The following TTN variants were observed in gnomAD, a reference collection of about 807,000 sequenced individuals.
TTN encodes connectin.
TTN carries 1,525 observed loss-of-function variants against 3,223.0 expected under a neutral mutation model. That is an observed-to-expected ratio of 0.47 (90% confidence interval 0.45 to 0.49). The LOEUF (loss-of-function observed/expected upper bound fraction) is 0.49. Among genes scored for constraint, TTN ranks in the 20% least tolerant of loss-of-function variants. The pLI is 0.00. For synonymous variants in TTN, 14,094 were observed against 15,161.0 expected, an observed-to-expected ratio of 0.93 and a Z score of 5.17; for missense variants, 40,786 against 43,424.0, an observed-to-expected ratio of 0.94 and a Z score of 5.40.
At position 178,719,715 on chromosome 2, in the gene TTN, C is replaced by T; in HGVS notation, c.23777G>A (p.Gly7926Glu). ...TTTGCTGTCTGCAGACAATTCTCTT[C>T]CATCTTTGAACCACTTGGCTGAGAG... Reference protein sequence around the residue: ...PELSAKWFKDGRELSADSKHH... With the variant: ...PELSAKWFKDERELSADSKHH... Residue 7926 changes from glycine (G) to glutamate (E), a missense_variant, in exon 82 of 363, where the codon GGA (glycine) becomes GAA (glutamate). Coordinates refer to ENST00000589042, the MANE Select transcript of TTN (RefSeq NM_001267550.2). The T allele has an allele frequency of 1.2e-6, 2 of 1,613,736 alleles. No homozygotes were observed. Among genetic ancestry groups the T allele is most frequent in the South Asian group, 1.1e-5 (1 of 91,080 alleles).
intron 69 of TTN, 77 bp from the exon 70 acceptor site, chr2:178,726,123 T>C (rs1187417191): frequency 6.8e-7 from 1 of 1,468,426 alleles, no homozygotes; most frequent in South Asian, 1.5e-5. Context: ...GTCTTTAAAT[T>C]GGAAGAAAGG....
chr2:178,593,655 C>A lies in TTN; in HGVS notation c.58645G>T (p.Asp19549Tyr), dbSNP rs1472080899. Residue 19549 changes from aspartate (D) to tyrosine (Y), a missense_variant, in exon 298 of 363, where the codon GAT becomes TAT. Asp to Tyr is a radical substitution (Grantham distance 160, BLOSUM62 -3). Coordinates refer to ENST00000589042, the MANE Select transcript of TTN (RefSeq NM_001267550.2). ...TCAGCATGTATCCGGAAAATATAAT[C>A]TTTTCCTTCAAGTAGTTTAGAAACT... ...CKVSKLLEGKDYIFRIHAENL... is the reference protein window; with the variant it reads ...CKVSKLLEGKYYIFRIHAENL... The A allele has an allele frequency of 4.3e-6, 7 of 1,612,984 alleles. No homozygotes were observed. Among genetic ancestry groups the A allele is most frequent in the South Asian group, 3.3e-5 (3 of 91,058 alleles).
At position 178,652,840 on chromosome 2, in the gene TTN, A is replaced by C. The variant is rs769254204; in HGVS notation, c.38959+8T>G. 44 of 1,610,380 alleles carry C rather than the reference A, an allele frequency of 2.7e-5. No individual in the cohort carries two copies. Among genetic ancestry groups the C allele is most frequent in the Non-Finnish European group, 3.6e-5 (42 of 1,178,776 alleles). On this transcript the variant is annotated splice_region_variant and intron_variant, in intron 200 of 362. Coordinates refer to ENST00000589042, the MANE Select transcript of TTN (RefSeq NM_001267550.2). ...GATCTTCTGAAGCCTAAAGCCAGTG[A>C]CAAATACCTTTAACAGGAGGGACTT...
In TTN at chr2:178,543,121, A is replaced by G. The variant is rs768634786; in HGVS notation, c.96852T>C (p.Gly32284=). The G allele has an allele frequency of 1.2e-6, 2 of 1,609,254 alleles. No homozygotes were observed. Among genetic ancestry groups the G allele is most frequent in the Non-Finnish European group, 1.7e-6 (2 of 1,177,318 alleles). ...LFRIRAQNEK[G]VSEPRETVTA... ...TGACAGTCTCTCTTGGTTCTGACACACCTTTCTCATTTTGTGCCCTTATTC... is the reference window on the plus strand; with the variant it reads ...TGACAGTCTCTCTTGGTTCTGACACGCCTTTCTCATTTTGTGCCCTTATTC... Residue 32284 remains glycine, a synonymous_variant, in exon 347 of 363, where the codon GGT becomes GGC. Coordinates refer to ENST00000589042, the MANE Select transcript of TTN (RefSeq NM_001267550.2).
In TTN at chr2:178,572,386, C is replaced by T. The variant is rs768752636; in HGVS notation, c.73746G>A (p.Gln24582=). 1.9e-6 allele frequency: 3 copies of T among 1,612,992 alleles called. No homozygotes were observed. In the African/African-American group the frequency reaches 4.0e-5, roughly 22 times the overall value. ...AATAGTAGCTACAGCCTTCTTGAAGCTGGTCTACCTTCCAGGAAGTCTTGT... is the reference window on the plus strand; with the variant it reads ...AATAGTAGCTACAGCCTTCTTGAAGTTGGTCTACCTTCCAGGAAGTCTTGT... ...NCHKTSWKVD[Q]LQEGCSYYFR... Residue 24582 remains glutamine (Q), a synonymous_variant, in exon 326 of 363, where the codon CAG becomes CAA. Coordinates refer to ENST00000589042, the MANE Select transcript of TTN (RefSeq NM_001267550.2).
chr2:178,626,610 A>G (rs575225181), intron 240 of TTN, among the ~76,000 whole-genome samples: 3 of 152,102 alleles, frequency 2.0e-5, no homozygotes, highest in Admixed American at 2.0e-4. Flanking sequence ...GGGCATGGTT[A>G]GTCACATAAT....
rs1168353457 is a variant in TTN, at chr2:178,729,485, C to T, written c.18671G>A (p.Gly6224Glu). ...CCAAGTGACTTCAAACGGAGGTGTT[C>T]CCGTAACTTCACACTCCAGCTCCAC... Reference protein sequence around the residue: ...SDVELECEVTGTPPFEVTWLK... With the variant: ...SDVELECEVTETPPFEVTWLK... Residue 6224 changes from glycine (G) to glutamate (E), a missense_variant, in exon 64 of 363, where the codon GGA (glycine) becomes GAA (glutamate). Gly to Glu is a moderately conservative substitution (Grantham distance 98). Transcript: ENST00000589042. The T allele has an allele frequency of 6.2e-7, 1 of 1,613,588 alleles. No homozygotes were observed. The highest frequency in any genetic ancestry group is 8.5e-7 in the Non-Finnish European group (1 of 1,179,638).
chr2:178,731,384 G>C lies in TTN; in HGVS notation c.17382C>G (p.Val5794=), dbSNP rs946342761. The C allele has an allele frequency of 8.1e-6, 13 of 1,613,752 alleles. 1 individual carries two copies. The highest frequency in any genetic ancestry group is 1.1e-5 in the Non-Finnish European group (13 of 1,179,776). Residue 5794 remains valine, a synonymous_variant, in exon 59 of 363, where the codon GTC becomes GTG. Coordinates refer to ENST00000589042, the MANE Select transcript of TTN (RefSeq NM_001267550.2). ...GACAGACATATTTCCCATCATGCTT[G>C]ACTTCAATGCCACTGAGGTACAAAC... The part of the protein sequence containing the change: ...VASLYLSGIE[V]KHDGKYVCQA...
intron 213 of TTN, among the ~76,000 whole-genome samples, chr2:178,648,645 A>T (rs2062413367): frequency 6.6e-6 from 1 of 152,040 alleles, no homozygotes; most frequent in Non-Finnish European, 1.5e-5. Flanking sequence ...CCTGACCTCA[A>T]GTGATCCACC....
chr2:178,587,007 G>T, intron 307 of TTN, 111 bp downstream of exon 307: 1 of 1,427,332 alleles, frequency 7.0e-7, no homozygotes, highest in South Asian at 1.2e-5. Context: ...ACACTATTTC[G>T]GTCTCTACAA....
In TTN at chr2:178,774,461, TCAA is replaced by T; in HGVS notation, c.6800_6802del (p.Val2267del). The T allele has an allele frequency of 6.2e-7, 1 of 1,612,742 alleles. No individual in the cohort carries two copies. Among genetic ancestry groups the T allele is most frequent in the Non-Finnish European group, 8.5e-7 (1 of 1,179,904 alleles). ...TATGTCCTGAAGTTCTTTCACAAAC[TCAA>T]CAACTGCACCTGAAGTGTATAACAG... On this transcript the variant is annotated inframe_deletion, in exon 30 of 363. Coordinates refer to ENST00000589042, the MANE Select transcript of TTN (RefSeq NM_001267550.2).
Position 178,543,506 on chromosome 2 carries a change from G to C in TTN, c.96467C>G (p.Thr32156Ser). Residue 32156 changes from threonine (T) to serine (S), a missense_variant, in exon 347 of 363, where the codon ACT becomes AGT. By Grantham distance (58) the Thr-to-Ser change is moderately conservative. Coordinates refer to ENST00000589042, the MANE Select transcript of TTN (RefSeq NM_001267550.2). ...GTAAAGTGTCTTGCTGCATTTGGTA[G>C]TTACTGTTTTGAATGCTCTCATAGC... ...EAAMRAFKTV[T>S]TKCSKTLYRI... The C allele has an allele frequency of 6.2e-7, 1 of 1,613,646 alleles. No individual in the cohort carries two copies. The highest frequency in any genetic ancestry group is 8.5e-7 in the Non-Finnish European group (1 of 1,179,740).
intron 270 of TTN, 103 bp from the exon 271 acceptor site, chr2:178,610,492 C>A: frequency 8.1e-7 from 1 of 1,234,866 alleles, no homozygotes. Context: ...GTAGGATAAT[C>A]TTTGATGTGC....
chr2:178,635,108 G>A (rs1455273614), intron 228 of TTN, 57 bp downstream of exon 228: 1 of 1,597,082 alleles, frequency 6.3e-7, no homozygotes, highest in African/African-American at 1.4e-5. Flanking sequence ...TATAGATCCT[G>A]AATATTGGAT....
rs1304792247 is a variant in TTN at position 178,714,561 on chromosome 2, A to G, written c.26213T>C (p.Phe8738Ser). Residue 8738 changes from phenylalanine (F) to serine (S), a missense_variant, in exon 91 of 363, where the codon TTT becomes TCT. Coordinates refer to ENST00000589042, the MANE Select transcript of TTN (RefSeq NM_001267550.2). ...GSIALKAPPR[F>S]VKKLSDISTV... ...AGATATGTCACTGAGCTTCTTCACA[A>G]ATCTTGGTGGTGCTGATGAAAAAGG... is the stretch of plus-strand genomic sequence containing the variant. 1 of 1,601,128 alleles carries G rather than the reference A, an allele frequency of 6.2e-7. No individual in the cohort carries two copies. The highest frequency in any genetic ancestry group is 1.7e-5 in the Admixed American group (1 of 59,282).
At chr2:178,678,531 C>T (rs527456592) in intron 143 of TTN, 34 bp from the exon 144 acceptor site, 54 of 1,486,140 alleles carry the variant, frequency 3.6e-5, no homozygotes, top group Middle Eastern at 1.7e-4. Flanking sequence ...AAATTTTATA[C>T]GACATAAAAA....
Position 178,618,663 on chromosome 2 carries a change from T to C in TTN, c.46887A>G (p.Lys15629=). 1 of 1,612,400 alleles carries C rather than the reference T, an allele frequency of 6.2e-7. No homozygotes were observed. Among genetic ancestry groups the C allele is most frequent in the African/African-American group, 1.3e-5 (1 of 74,930 alleles). Residue 15629 remains lysine, a synonymous_variant, in exon 251 of 363, where the codon AAA becomes AAG. Transcript: ENST00000589042. ...CAATTTTATACCTCCCTTTGTCTCC[T>C]TTCTTGGCTTCTAAAATTCTGAAAG... is the stretch of plus-strand genomic sequence containing the variant. ...QTSFRILEAK[K]GDKGRYKIVL...
Position 178,565,291 on chromosome 2 carries a change from A to G in TTN, c.80841T>C (p.Phe26947=), listed in dbSNP as rs1015506783. 1.9e-6 allele frequency: 3 copies of G among 1,613,490 alleles called. No homozygotes were observed. The highest frequency in any genetic ancestry group is 2.7e-5 in the African/African-American group (2 of 74,894). Residue 26947 remains phenylalanine, a synonymous_variant, in exon 326 of 363, where the codon TTT becomes TTC. Coordinates refer to ENST00000589042, the MANE Select transcript of TTN (RefSeq NM_001267550.2). ...TTGTTGCCGTTACGGTGTATTTTCC[A>G]AAGTCATCTTTGTTACCTTCTTTAA... ...LHIKEGNKDD[F]GKYTVTATNS...
chr2:178,639,355 G>A lies in TTN; in HGVS notation c.40876+344C>T, dbSNP rs556142672. ...CAATAGGGTATAAGGGAAATTTGAA[G>A]CTTCATGGGATTCTTATATGTATAC... On this transcript the variant is annotated intron_variant, in intron 223 of 362. Coordinates refer to ENST00000589042, the MANE Select transcript of TTN (RefSeq NM_001267550.2). Among the ~76,000 whole-genome samples the A allele has an allele frequency of 2.6e-5, 4 of 152,090 alleles. No individual in the cohort carries two copies. The East Asian group carries it at 7.8e-4, about 30-fold the overall frequency.
Sources: gnomAD v4.1 joint callset for allele counts (sites outside exome capture counted in the v4.1 genomes callset) on GRCh38, gnomAD v4.1.1 for gene constraint, MANE v1.5 for transcripts, NCBI Gene and HGNC (gene_info 2026-07-23, HGNC 2026-07-21) for gene names.